Variants in GAB1 observed in about 807,000 individuals in gnomAD.
The protein encoded by GAB1 is GRB2 associated binding protein 1, also known as GRB2-associated-binding protein 1.
In GAB1, 19 loss-of-function variants were observed where a neutral mutation model predicts 66.5. The ratio of observed to expected loss-of-function variants is 0.29; its 90% confidence interval spans 0.20 to 0.42. The LOEUF is 0.42. Among genes scored for constraint, GAB1 ranks in the 10% least tolerant of loss-of-function variants. The pLI is 1.00. For synonymous variants in GAB1, 294 were observed against 301.4 expected (o/e 0.98, Z 0.25); for missense variants, 732 against 858.5 (o/e 0.85, Z 1.84).
intron 6 of GAB1, among the ~76,000 whole-genome samples, chr4:143,447,515 C>T (rs977340166): frequency 2.6e-5 from 4 of 152,132 alleles, no homozygotes; most frequent in Admixed American, 2.0e-4. Context: ...CTTCACATCC[C>T]TTGTAAGTTG....
At chr4:143,401,974 T>C (rs927221771) in intron 1 of GAB1, among the ~76,000 whole-genome samples, 49 of 152,284 alleles carry the variant, frequency 3.2e-4, no homozygotes, top group African/African-American at 1.2e-3. Context: ...CCTTCAGAAA[T>C]AATAGACTCC....
intron 1 of GAB1, chr4:143,349,251 C>A: frequency 1.3e-6 from 1 of 764,990 alleles, no homozygotes; most frequent in East Asian, 2.6e-5. Flanking sequence ...GCTTAATTCA[C>A]TTTATTTTTC....
chr4:143,448,433 GGTTGGTAA>G (rs1734695543), intron 6 of GAB1, among the ~76,000 whole-genome samples: 1 of 151,736 alleles, frequency 6.6e-6, no homozygotes, highest in Non-Finnish European at 1.5e-5. Context: ...GACTCTTTTT[GGTTGGTAA>G]GCTATTGATT....
intron 1 of GAB1, among the ~76,000 whole-genome samples, chr4:143,357,353 C>A (rs1319010434): frequency 6.6e-6 from 1 of 152,140 alleles, no homozygotes; most frequent in Non-Finnish European, 1.5e-5. Context: ...ACCTGTCTGG[C>A]TGAAACCACA....
intron 2 of GAB1, chr4:143,425,621 T>C (rs2149734547): frequency 1.3e-6 from 1 of 762,060 alleles, no homozygotes; most frequent in Non-Finnish European, 2.4e-6. Context: ...CCCGTGAACA[T>C]CCATGGGAGG....
intron 6 of GAB1, among the ~76,000 whole-genome samples, chr4:143,449,556 G>C: frequency 6.6e-6 from 1 of 151,704 alleles, no homozygotes; most frequent in Non-Finnish European, 1.5e-5. Context: ...GGCCTTCTTT[G>C]TCTCTTTTGA....
chr4:143,393,700 C>T (rs1166736207), intron 1 of GAB1, among the ~76,000 whole-genome samples: 1 of 152,074 alleles, frequency 6.6e-6, no homozygotes, highest in Non-Finnish European at 1.5e-5. Flanking sequence ...CTGATTTCTG[C>T]ATCAAGAGTG....
At position 143,438,152 on chromosome 4, in the gene GAB1, C is replaced by G. The variant is rs757150345; in HGVS notation, c.747C>G (p.Ala249=). The change falls in exon 4 of 10, where the codon GCC becomes GCG. Residue 249 remains alanine (A), a synonymous_variant. Coordinates refer to ENST00000262994, the MANE Select transcript of GAB1 (RefSeq NM_002039.4). Reference sequence around the variant, plus strand: ...TATACGACTCTCCACCTTCACGTGCCCCATCTGCTTCAGTTGACTCCAGCC... The same window carrying G: ...TATACGACTCTCCACCTTCACGTGCGCCATCTGCTTCAGTTGACTCCAGCC... ...QMIYDSPPSR[A]PSASVDSSLY... 1.2e-6 allele frequency: 2 copies of G among 1,613,966 alleles called. No individual in the cohort carries two copies. Among genetic ancestry groups the G allele is most frequent in the South Asian group, 2.2e-5 (2 of 91,064 alleles).
intron 1 of GAB1, among the ~76,000 whole-genome samples, chr4:143,353,636 A>G (rs1729318158): frequency 6.8e-6 from 1 of 147,388 alleles, no homozygotes; most frequent in Non-Finnish European, 1.5e-5. Flanking sequence ...GGGGAACTTT[A>G]TAGTTCAATT....
At chr4:143,357,139 G>A (rs1160704886) in intron 1 of GAB1, among the ~76,000 whole-genome samples, 1 of 152,098 alleles carries the variant, frequency 6.6e-6, no homozygotes, top group African/African-American at 2.4e-5. Flanking sequence ...AACCTCTTCT[G>A]CAAACTTAAT....
At chr4:143,466,493 T>G in intron 9 of GAB1, among the ~76,000 whole-genome samples, 1 of 137,654 alleles carries the variant, frequency 7.3e-6, no homozygotes, top group Non-Finnish European at 1.6e-5. Flanking sequence ...TTTTTTTTTT[T>G]TTTTTTTTTT....
chr4:143,358,412 T>C (rs1729532825), intron 1 of GAB1, among the ~76,000 whole-genome samples: 1 of 152,202 alleles, frequency 6.6e-6, no homozygotes, highest in Non-Finnish European at 1.5e-5. Flanking sequence ...TCTTTTTTAT[T>C]ATAAAATGTT....
intron 6 of GAB1, among the ~76,000 whole-genome samples, chr4:143,450,218 C>T (rs933171968): frequency 6.6e-6 from 1 of 151,982 alleles, no homozygotes; most frequent in Non-Finnish European, 1.5e-5. Context: ...ACCATGAGAC[C>T]ATTAAAACTT....
At chr4:143,417,010 C>G (rs539768799) in intron 2 of GAB1, among the ~76,000 whole-genome samples, 1 of 152,112 alleles carries the variant, frequency 6.6e-6, no homozygotes, top group South Asian at 2.1e-4. Flanking sequence ...GAACAAGTAC[C>G]AAACAAATGA....
At chr4:143,349,497 A>T (rs1325004668) in intron 1 of GAB1, 1 of 1,534,080 alleles carries the variant, frequency 6.5e-7, no homozygotes, top group Non-Finnish European at 8.9e-7. Context: ...TGTAGCAGTC[A>T]TCGATACCAG....
intron 1 of GAB1, among the ~76,000 whole-genome samples, chr4:143,338,743 AGGAAGGGAGAAAGG>A (rs1340714455): frequency 1.8e-5 from 2 of 113,606 alleles, no homozygotes; most frequent in Admixed American, 8.8e-5. Flanking sequence ...GTGACAGAGA[AGGAAGGGAGAAAGG>A]GGTAGGGAGA....
At chr4:143,388,463 G>A (rs1188138961) in intron 1 of GAB1, among the ~76,000 whole-genome samples, 2 of 152,194 alleles carry the variant, frequency 1.3e-5, no homozygotes, top group East Asian at 1.9e-4. Context: ...CGCCCAGGCT[G>A]GAGAGCAGTA....
chr4:143,439,135 C>G lies in GAB1; in HGVS notation c.1195+535C>G, dbSNP rs112465374. Among the ~76,000 whole-genome samples, 1,513 of 152,206 alleles carry G rather than the reference C, an allele frequency of 9.9e-3. 32 individuals are homozygous for G. The highest frequency in any genetic ancestry group is 0.034 in the African/African-American group (1,410 of 41,516). On this transcript the variant is annotated intron_variant, in intron 4 of 9. Coordinates refer to ENST00000262994, the MANE Select transcript of GAB1 (RefSeq NM_002039.4). ...GAATCTTCTTTCCCCTTATCACTAC[C>G]CACTTCACTCATTGCTAGTGAGTAT... is the stretch of plus-strand genomic sequence containing the variant.
intron 2 of GAB1, among the ~76,000 whole-genome samples, chr4:143,418,604 C>T (rs953923654): frequency 1.3e-5 from 2 of 152,144 alleles, no homozygotes; most frequent in Admixed American, 6.6e-5. Context: ...GACATAAGGG[C>T]AGACTTTTGT....
Sources: gnomAD v4.1 joint callset for allele counts (sites outside exome capture counted in the v4.1 genomes callset) on GRCh38, gnomAD v4.1.1 for gene constraint, MANE v1.5 for transcripts, NCBI Gene and HGNC (gene_info 2026-07-23, HGNC 2026-07-21) for gene names.